The following SMG6 variants were observed in gnomAD, a reference collection of about 807,000 sequenced individuals.
The protein encoded by SMG6 is SMG6 nonsense mediated mRNA decay factor.
A neutral mutation model predicts 142.2 loss-of-function variants in SMG6; 66 were observed. That is an observed-to-expected ratio of 0.46 (90% CI 0.38 to 0.57). The LOEUF is 0.57. Among genes scored for constraint, SMG6 ranks in the 20% least tolerant of loss-of-function variants. The pLI is 0.00. For synonymous variants in SMG6, 779 were observed against 702.4 expected (o/e 1.11, Z -1.72); for missense variants, 1,793 against 1,832.0 (o/e 0.98, Z 0.39).
At chr17:2,201,165 A>T (rs1325845662) in intron 10 of SMG6, among the ~76,000 whole-genome samples, 1 of 152,218 alleles carries the variant, frequency 6.6e-6, no homozygotes, top group Non-Finnish European at 1.5e-5. Context: ...TGAGGTATAT[A>T]AAGAACTCTT....
rs762199702 is a variant in SMG6, at chr17:2,128,684, C to T, written c.3358-42783G>A. On this transcript the variant is annotated intron_variant, in intron 13 of 18. Transcript: ENST00000263073. ...ACTAAAAATACAAAAATTAGCTGGG[C>T]GTGGTGGCGTGCACCTGTAGGCCCA... 3.8e-4 allele frequency among the ~76,000 whole-genome samples: 57 copies of T among 151,704 alleles called. 1 individual carries two copies. Among genetic ancestry groups the T allele is most frequent in the Non-Finnish European group, 1.5e-4 (10 of 67,916 alleles).
intron 10 of SMG6, among the ~76,000 whole-genome samples, chr17:2,232,101 GA>G (rs906151573): frequency 1.9e-4 from 27 of 143,626 alleles, no homozygotes; most frequent in Non-Finnish European, 2.6e-4. Flanking sequence ...AATGAAGGAA[GA>G]AAAAAAAAAG....
At chr17:2,222,063 A>G (rs2073184959) in intron 10 of SMG6, among the ~76,000 whole-genome samples, 2 of 152,198 alleles carry the variant, frequency 1.3e-5, no homozygotes, top group African/African-American at 2.4e-5. Context: ...TGAACTTGAT[A>G]TAACGCATGT....
chr17:2,149,813 G>T (rs2151595703), intron 13 of SMG6, among the ~76,000 whole-genome samples: 1 of 152,322 alleles, frequency 6.6e-6, no homozygotes, highest in East Asian at 1.9e-4. Context: ...CTATCAAAAT[G>T]TAAGTCAGTG....
chr17:2,292,752 G>C (rs536064817), intron 5 of SMG6, 119 bp downstream of exon 5: 42 of 1,415,996 alleles, frequency 3.0e-5, no homozygotes, highest in Middle Eastern at 1.8e-4. Flanking sequence ...GAGGGGTAAG[G>C]CATGACTACA....
intron 13 of SMG6, among the ~76,000 whole-genome samples, chr17:2,161,294 G>C (rs1447150610): frequency 1.3e-5 from 2 of 151,902 alleles, no homozygotes; most frequent in Non-Finnish European, 2.9e-5. Context: ...AGTAGAGATG[G>C]GGTTTCATCA....
chr17:2,136,152 C>T (rs999793590), intron 13 of SMG6, among the ~76,000 whole-genome samples: 1 of 151,870 alleles, frequency 6.6e-6, no homozygotes, highest in Non-Finnish European at 1.5e-5. Context: ...AACCTCTGCC[C>T]TGGGGTTCAA....
intron 9 of SMG6, among the ~76,000 whole-genome samples, chr17:2,237,776 A>AACAAACCACAGCTG (rs1406770017): frequency 6.6e-6 from 1 of 152,160 alleles, no homozygotes; most frequent in African/African-American, 2.4e-5. Flanking sequence ...TGGCAACAGA[A>AACAAACCACAGCTG]ACAAACCACA....
chr17:2,241,989 G>A (rs1264644033), intron 9 of SMG6, among the ~76,000 whole-genome samples: 1 of 152,148 alleles, frequency 6.6e-6, no homozygotes, highest in African/African-American at 2.4e-5. Flanking sequence ...CACATTTGGT[G>A]CACAGTGGGA....
At chr17:2,235,373 C>T (rs2073620245) in intron 10 of SMG6, among the ~76,000 whole-genome samples, 1 of 152,144 alleles carries the variant, frequency 6.6e-6, no homozygotes, top group African/African-American at 2.4e-5. Context: ...CTTGCCTAGT[C>T]CCAGAAAGAT....
At chr17:2,237,865 T>C (rs1308102540) in intron 9 of SMG6, among the ~76,000 whole-genome samples, 1 of 152,222 alleles carries the variant, frequency 6.6e-6, no homozygotes, top group Admixed American at 6.5e-5. Flanking sequence ...CTTAGGGTTA[T>C]GCCAAACAAT....
At chr17:2,283,591 GAGGA>G (rs746428033) in intron 7 of SMG6, 30 bp downstream of exon 7, 1 of 1,531,940 alleles carries the variant, frequency 6.5e-7, no homozygotes, top group African/African-American at 1.4e-5. Context: ...TGCACTATTC[GAGGA>G]AGGAAGGGTT....
At position 2,297,588 on chromosome 17, in the gene SMG6, G is replaced by A. The variant is rs968793860; in HGVS notation, c.2041-235C>T. 3.4e-5 allele frequency among the ~76,000 whole-genome samples: 5 copies of A among 146,146 alleles called. No homozygotes were observed. Among genetic ancestry groups the A allele is most frequent in the African/African-American group, 1.3e-4 (5 of 38,656 alleles). Reference sequence around the variant, plus strand: ...AACACACACACACACACACACACACGCTCTCTCCACACAAACACAAACACA... The same window carrying A: ...AACACACACACACACACACACACACACTCTCTCCACACAAACACAAACACA... On this transcript the variant is annotated intron_variant, in intron 3 of 18. Coordinates refer to ENST00000263073, the MANE Select transcript of SMG6 (RefSeq NM_017575.5).
At chr17:2,238,976 G>C (rs910019985) in intron 9 of SMG6, among the ~76,000 whole-genome samples, 1 of 151,660 alleles carries the variant, frequency 6.6e-6, no homozygotes, top group Non-Finnish European at 1.5e-5. Context: ...TTGTTCAGCA[G>C]TAACCACGGG....
chr17:2,186,525 A>G lies in SMG6; in HGVS notation c.3155+138T>C, dbSNP rs77027347. 1.0e-3 allele frequency: 1,022 copies of G among 994,276 alleles called. 17 individuals are homozygous for G. The African/African-American group carries it at 0.015, about 15-fold the overall frequency. The allele number at this position is 994,276 out of a possible 1,614,324, so 61.6% of individuals were successfully genotyped here. ...ATCAGAGGATAGGGAAGGTATTCAAAAAAAGTTCAAATAAAGAAGAAATAG... is the reference window on the plus strand; with the variant it reads ...ATCAGAGGATAGGGAAGGTATTCAAGAAAAGTTCAAATAAAGAAGAAATAG... On this transcript the variant is annotated intron_variant, in intron 12 of 18. Transcript: ENST00000263073.
chr17:2,177,667 A>C (rs2071689224), intron 12 of SMG6, among the ~76,000 whole-genome samples: 1 of 152,198 alleles, frequency 6.6e-6, no homozygotes, highest in Non-Finnish European at 1.5e-5. Flanking sequence ...GAGTGAGAAG[A>C]AGCCGTGCAT....
intron 13 of SMG6, among the ~76,000 whole-genome samples, chr17:2,141,046 C>G (rs1395360342): frequency 6.6e-6 from 1 of 152,232 alleles, no homozygotes. Flanking sequence ...TCTAGAATTG[C>G]AGTGTTTAAT....
intron 8 of SMG6, among the ~76,000 whole-genome samples, chr17:2,279,490 C>A (rs1027332149): frequency 6.6e-6 from 1 of 152,168 alleles, no homozygotes; most frequent in African/African-American, 2.4e-5. Context: ...GAAGTTCATT[C>A]ATTTGGGTTA....
rs756101455 is a variant in SMG6 at position 2,244,663 on chromosome 17, C to A, written c.2718G>T (p.Arg906=). 1.2e-6 allele frequency: 2 copies of A among 1,610,458 alleles called. No individual in the cohort carries two copies. The highest frequency in any genetic ancestry group is 1.7e-6 in the Non-Finnish European group (2 of 1,176,634). ...TAAACATCCTGCACACTTACCCAAT[C>A]CGGGTAAACAGCTTCCCATGGGCAT... ...FLHAHGKLFT[R]IGMETFPAVA... The change falls in exon 9 of 19, where the codon CGG becomes CGT. Residue 906 remains arginine, a synonymous_variant. Transcript: ENST00000263073.
Sources: gnomAD v4.1 joint callset for allele counts (sites outside exome capture counted in the v4.1 genomes callset) on GRCh38, gnomAD v4.1.1 for gene constraint, MANE v1.5 for transcripts, NCBI Gene and HGNC (gene_info 2026-07-23, HGNC 2026-07-21) for gene names.